Variants in SH3BP5 observed in about 807,000 individuals in gnomAD.
SH3BP5 encodes the protein SH3 domain-binding protein 5.
In SH3BP5, 22 loss-of-function variants were observed where a neutral mutation model predicts 43.3. That is an observed-to-expected ratio of 0.51 (90% CI 0.36 to 0.73). SH3BP5 has a LOEUF of 0.73. Ranked by LOEUF, SH3BP5 falls within the 30% of genes least tolerant of loss-of-function variation. The pLI, the probability that SH3BP5 is intolerant of heterozygous loss-of-function variation, is 0.00. For synonymous variants in SH3BP5, 255 were observed against 225.8 expected, an observed-to-expected ratio of 1.13 and a Z score of -1.16; for missense variants, 529 against 586.9, an observed-to-expected ratio of 0.90 and a Z score of 1.02.
rs192879664 is a variant in SH3BP5 at position 15,276,363 on chromosome 3, T to A, written c.331-6486A>T. Among the ~76,000 whole-genome samples, 11 of 152,324 alleles carry A rather than the reference T, an allele frequency of 7.2e-5. No individual in the cohort carries two copies. The East Asian group carries it at 1.9e-3, about 27-fold the overall frequency. On this transcript the variant is annotated intron_variant, in intron 3 of 8. Coordinates refer to ENST00000383791, the MANE Select transcript of SH3BP5 (RefSeq NM_004844.5). ...AGAGCCCAGAATAGGTGATGTCACA[T>A]AGCTGTTTAGTGGCCCCCCAGAGCC...
At chr3:15,263,880 T>TA (rs1175346477) in intron 4 of SH3BP5, among the ~76,000 whole-genome samples, 2 of 152,206 alleles carry the variant, frequency 1.3e-5, no homozygotes, top group Admixed American at 1.3e-4. Flanking sequence ...GAGGTTAGGC[T>TA]AAAGGGTTAT....
At position 15,332,487 on chromosome 3, in the gene SH3BP5, C is replaced by A; in HGVS notation, c.-79G>T. The A allele has an allele frequency of 7.3e-7, 1 of 1,362,612 alleles. No individual in the cohort carries two copies. Among genetic ancestry groups the A allele is most frequent in the Non-Finnish European group, 9.4e-7 (1 of 1,065,640 alleles). The allele number at this position is 1,362,612 out of a possible 1,614,324, so 84.4% of individuals were successfully genotyped here. ...GCGGCTGCCACAGGCTGGGCTGGAG[C>A]CGCCTCGCCACAGCCGGGCACGGTC... On this transcript the variant is annotated 5_prime_UTR_variant, in exon 1 of 9. Coordinates refer to ENST00000383791, the MANE Select transcript of SH3BP5 (RefSeq NM_004844.5).
intron 1 of SH3BP5, among the ~76,000 whole-genome samples, chr3:15,331,006 C>A (rs1220727072): frequency 6.8e-6 from 1 of 148,078 alleles, no homozygotes; most frequent in Non-Finnish European, 1.5e-5. Context: ...TATTAACTCA[C>A]CAGAATTATT....
At chr3:15,334,639 A>G (rs558599042), upstream of SH3BP5, among the ~76,000 whole-genome samples, 1 of 152,258 alleles carries the variant, frequency 6.6e-6, no homozygotes, top group South Asian at 2.1e-4. Flanking sequence ...CAGGTAAGAA[A>G]TCTAGAGCTG....
intron 3 of SH3BP5, among the ~76,000 whole-genome samples, chr3:15,288,460 T>C (rs1264240941): frequency 6.6e-6 from 1 of 152,220 alleles, no homozygotes; most frequent in African/African-American, 2.4e-5. Flanking sequence ...GGAAGACCGG[T>C]TGAAAGGCTA....
At chr3:15,284,250 C>T (rs1459686654) in intron 3 of SH3BP5, among the ~76,000 whole-genome samples, 1 of 152,216 alleles carries the variant, frequency 6.6e-6, no homozygotes, top group African/African-American at 2.4e-5. Context: ...CATCTGCACA[C>T]CCATTTTGCC....
intron 2 of SH3BP5, among the ~76,000 whole-genome samples, chr3:15,309,123 T>C (rs116084522): frequency 6.6e-6 from 1 of 152,178 alleles, no homozygotes; most frequent in African/African-American, 2.4e-5. Context: ...TGTCCACAGA[T>C]AGTCACTCAA....
At chr3:15,291,992 C>T (rs1166126870) in intron 3 of SH3BP5, among the ~76,000 whole-genome samples, 1 of 152,214 alleles carries the variant, frequency 6.6e-6, no homozygotes, top group East Asian at 1.9e-4. Context: ...AGTGCACAGC[C>T]GGGGCCCAAA....
intron 4 of SH3BP5, among the ~76,000 whole-genome samples, chr3:15,263,819 C>T (rs2125052578): frequency 1.3e-5 from 2 of 152,304 alleles, no homozygotes; most frequent in South Asian, 4.1e-4. Context: ...GATTTCTTTC[C>T]CTGTCTTCTG....
At chr3:15,265,324 T>C (rs1696594249) in intron 4 of SH3BP5, among the ~76,000 whole-genome samples, 1 of 152,070 alleles carries the variant, frequency 6.6e-6, no homozygotes, top group Non-Finnish European at 1.5e-5. Context: ...AAGACCAACC[T>C]GGCCAACATG....
intron 2 of SH3BP5, among the ~76,000 whole-genome samples, chr3:15,308,528 G>A (rs567798356): frequency 5.5e-4 from 83 of 152,286 alleles, no homozygotes; most frequent in African/African-American, 1.9e-3. Context: ...CAGACATGAA[G>A]AAAGAGGATT....
chr3:15,308,335 G>A (rs1175215615), intron 2 of SH3BP5, among the ~76,000 whole-genome samples: 1 of 152,212 alleles, frequency 6.6e-6, no homozygotes, highest in African/African-American at 2.4e-5. Context: ...CTAACAGGTA[G>A]GTGCTATTGT....
At chr3:15,326,877 T>C (rs1408109465) in intron 2 of SH3BP5, among the ~76,000 whole-genome samples, 1 of 152,058 alleles carries the variant, frequency 6.6e-6, no homozygotes, top group Admixed American at 6.6e-5. Flanking sequence ...GTTAGGTGAG[T>C]GGCCCTGAGT....
chr3:15,294,356 C>T (rs181737714), intron 3 of SH3BP5, among the ~76,000 whole-genome samples: 1 of 150,842 alleles, frequency 6.6e-6, no homozygotes, highest in Admixed American at 6.6e-5. Flanking sequence ...CGTAACTCCC[C>T]CTCATGCATG....
chr3:15,262,417 T>C (rs1696481526), intron 4 of SH3BP5, 128 bp from the exon 5 acceptor site: 2 of 1,185,264 alleles, frequency 1.7e-6, no homozygotes, highest in South Asian at 3.2e-5. Context: ...CCCAGCACTT[T>C]GGGAGGCCAA....
intron 1 of SH3BP5, 100 bp from the exon 2 acceptor site, chr3:15,330,666 G>C: frequency 7.2e-7 from 1 of 1,389,268 alleles, no homozygotes; most frequent in East Asian, 2.8e-5. Flanking sequence ...AGCCCAATTT[G>C]CAGGAAAAGG....
chr3:15,307,313 G>A (rs1198786759), intron 2 of SH3BP5, among the ~76,000 whole-genome samples: 1 of 152,136 alleles, frequency 6.6e-6, no homozygotes. Context: ...TTGTTCTCCA[G>A]GGGAAGGGCC....
chr3:15,303,203 T>G (rs1697801210), intron 3 of SH3BP5, among the ~76,000 whole-genome samples: 1 of 152,228 alleles, frequency 6.6e-6, no homozygotes, highest in Non-Finnish European at 1.5e-5. Context: ...ACTGGGTCAT[T>G]TGCTAGTGAA....
At chr3:15,326,341 G>A (rs1698463026) in intron 2 of SH3BP5, among the ~76,000 whole-genome samples, 4 of 152,156 alleles carry the variant, frequency 2.6e-5, no homozygotes, top group African/African-American at 7.2e-5. Context: ...GGCCTCAGGA[G>A]CAACACCTCA....
Sources: allele counts gnomAD v4.1 joint callset (sites outside exome capture counted in the v4.1 genomes callset), GRCh38; gene constraint gnomAD v4.1.1; transcripts MANE v1.5; gene names NCBI Gene and HGNC (gene_info 2026-07-23, HGNC 2026-07-21).